The following CDH12 variants were observed in gnomAD, a reference collection of about 807,000 sequenced individuals.
CDH12 encodes the protein cadherin 12.
Under a neutral mutation model 74.1 loss-of-function variants are expected in CDH12, and 41 were observed. The observed-to-expected ratio is 0.55, with a 90% CI of 0.43 to 0.72. CDH12 has a LOEUF of 0.72. CDH12 is among the 30% of genes least tolerant of loss of function. The pLI is 0.00. For synonymous variants in CDH12, 399 were observed against 355.0 expected (o/e 1.12, Z -1.39); for missense variants, 945 against 977.2 (o/e 0.97, Z 0.44).
At chr5:22,534,658 A>C (rs1355062986) in intron 1 of CDH12, among the ~76,000 whole-genome samples, 1 of 152,086 alleles carries the variant, frequency 6.6e-6, no homozygotes, top group Non-Finnish European at 1.5e-5. Context: ...AGAGAAAGGG[A>C]AAGAGGCAAC....
intron 1 of CDH12, among the ~76,000 whole-genome samples, chr5:22,811,809 G>A (rs951143803): frequency 3.8e-4 from 58 of 152,188 alleles, no homozygotes; most frequent in African/African-American, 1.4e-3. Flanking sequence ...TTATGAAGTG[G>A]CTACTTGAAT....
intron 1 of CDH12, among the ~76,000 whole-genome samples, chr5:22,779,175 C>A (rs772352325): frequency 2.0e-5 from 3 of 151,594 alleles, no homozygotes; most frequent in Non-Finnish European, 4.4e-5. Flanking sequence ...AATGTTGCTG[C>A]TCCTTCGGCA....
intron 6 of CDH12, among the ~76,000 whole-genome samples, chr5:21,950,515 A>G (rs1032546006): frequency 4.9e-4 from 75 of 151,884 alleles, no homozygotes; most frequent in African/African-American, 1.7e-3. Context: ...TATAGAAACC[A>G]ACTAAAAAAC....
intron 1 of CDH12, among the ~76,000 whole-genome samples, chr5:22,774,226 A>T (rs1746969358): frequency 6.6e-6 from 1 of 152,186 alleles, no homozygotes; most frequent in Non-Finnish European, 1.5e-5. Flanking sequence ...GAATCAATCT[A>T]GGTGCCTATA....
intron 2 of CDH12, among the ~76,000 whole-genome samples, chr5:22,423,553 A>G (rs377138116): frequency 6.6e-6 from 1 of 152,202 alleles, no homozygotes; most frequent in African/African-American, 2.4e-5. Context: ...TTGTCTCACA[A>G]TTGTGTACTT....
intron 1 of CDH12, among the ~76,000 whole-genome samples, chr5:22,601,168 A>G (rs892270882): frequency 6.6e-6 from 1 of 152,062 alleles, no homozygotes; most frequent in African/African-American, 2.4e-5. Context: ...TTTTTTAACC[A>G]TATGATCCTA....
chr5:21,952,688 G>T (rs1377145791), intron 6 of CDH12, among the ~76,000 whole-genome samples: 5 of 152,056 alleles, frequency 3.3e-5, no homozygotes, highest in South Asian at 4.2e-4. Context: ...GTTATTGGAG[G>T]ATTCGGTAGT....
chr5:22,394,840 T>C (rs1024336568), intron 3 of CDH12, among the ~76,000 whole-genome samples: 2 of 152,172 alleles, frequency 1.3e-5, no homozygotes, highest in African/African-American at 4.8e-5. Context: ...AGTTAAATTA[T>C]CAATTTTGGC....
intron 3 of CDH12, among the ~76,000 whole-genome samples, chr5:22,323,293 C>T (rs982918257): frequency 6.6e-6 from 1 of 152,052 alleles, no homozygotes; most frequent in Admixed American, 6.6e-5. Flanking sequence ...CATAGTATTA[C>T]AATTAAAATT....
At chr5:22,096,029 A>AC (rs1743760737) in intron 4 of CDH12, among the ~76,000 whole-genome samples, 2 of 151,614 alleles carry the variant, frequency 1.3e-5, no homozygotes, top group South Asian at 4.2e-4. Context: ...GAGGGTAAGA[A>AC]CCCCCAAACC....
chr5:22,710,896 A>C (rs530984655), intron 1 of CDH12, among the ~76,000 whole-genome samples: 3 of 152,164 alleles, frequency 2.0e-5, no homozygotes. Context: ...AGGGTTCAAA[A>C]TATATTTGGA....
intron 4 of CDH12, among the ~76,000 whole-genome samples, chr5:22,087,458 G>A (rs1743144000): frequency 6.6e-6 from 1 of 151,998 alleles, no homozygotes; most frequent in East Asian, 1.9e-4. Context: ...TGGCCAACAT[G>A]GTGAAACCCT....
Position 21,802,150 on chromosome 5 carries a change from A to T in CDH12, c.1256+17T>A. 6.3e-7 allele frequency: 1 copy of T among 1,587,934 alleles called. No homozygotes were observed. The highest frequency in any genetic ancestry group is 8.6e-7 in the Non-Finnish European group (1 of 1,164,980). ...TGTTTTCCTGAAACATAGAAAAAAA[A>T]TGTTTCTTTTTCTCACCTAACAGCA... On this transcript the variant is annotated intron_variant, in intron 10 of 14. Transcript: ENST00000382254.
At chr5:22,075,918 G>A (rs1367381915) in intron 5 of CDH12, among the ~76,000 whole-genome samples, 1 of 152,040 alleles carries the variant, frequency 6.6e-6, no homozygotes, top group Non-Finnish European at 1.5e-5. Flanking sequence ...TTTCTGGAAT[G>A]AGTGGAAGCA....
intron 4 of CDH12, among the ~76,000 whole-genome samples, chr5:22,169,079 C>T (rs552385334): frequency 6.6e-6 from 1 of 151,806 alleles, no homozygotes; most frequent in African/African-American, 2.4e-5. Flanking sequence ...CAGACCTGCT[C>T]ATTTCCCTCT....
intron 5 of CDH12, among the ~76,000 whole-genome samples, chr5:22,025,084 T>A (rs1299395792): frequency 6.6e-6 from 1 of 152,052 alleles, no homozygotes; most frequent in Non-Finnish European, 1.5e-5. Context: ...CAAACCACCA[T>A]CCCTGATTTA....
intron 5 of CDH12, among the ~76,000 whole-genome samples, chr5:22,016,624 G>A (rs1280241011): frequency 1.3e-5 from 2 of 152,006 alleles, no homozygotes; most frequent in Admixed American, 1.3e-4. Context: ...GACCTCAAGT[G>A]ATCTGCCCTC....
intron 4 of CDH12, among the ~76,000 whole-genome samples, chr5:22,117,515 AT>A (rs1561129253): frequency 3.3e-5 from 3 of 91,648 alleles, no homozygotes; most frequent in East Asian, 2.9e-4. Flanking sequence ...TATATATAAT[AT>A]ATATATAATA....
chr5:22,123,404 C>T (rs1278227163), intron 4 of CDH12, among the ~76,000 whole-genome samples: 1 of 152,146 alleles, frequency 6.6e-6, no homozygotes, highest in Non-Finnish European at 1.5e-5. Context: ...AAAACTAAGA[C>T]TATAGTCAGA....
Sources: gnomAD v4.1 joint callset for allele counts (sites outside exome capture counted in the v4.1 genomes callset) on GRCh38, gnomAD v4.1.1 for gene constraint, MANE v1.5 for transcripts, NCBI Gene and HGNC (gene_info 2026-07-23, HGNC 2026-07-21) for gene names.